PCBP3: variants seen among roughly 807,000 people sequenced by gnomAD.
PCBP3 encodes the protein poly(rC) binding protein 3.
A neutral mutation model predicts 52.7 loss-of-function variants in PCBP3; 25 were observed. That is an observed-to-expected ratio of 0.47 (90% CI 0.35 to 0.66). The LOEUF (loss-of-function observed/expected upper bound fraction) is 0.66, where lower values mean the gene tolerates loss of function less well. Ranked by LOEUF, PCBP3 falls within the 30% of genes least tolerant of loss-of-function variation. The pLI, the probability that PCBP3 is intolerant of heterozygous loss-of-function variation, is 0.01. For synonymous variants in PCBP3, 162 were observed against 183.0 expected (o/e 0.89, Z 0.93); for missense variants, 391 against 490.3 (o/e 0.80, Z 1.91).
At chr21:45,823,939 A>G (rs139185642) in intron 4 of PCBP3, among the ~76,000 whole-genome samples, 4,529 of 151,930 alleles carry the variant, frequency 0.03, 81 homozygotes, top group Non-Finnish European at 0.04. Context: ...ATGGGGTTTC[A>G]CCATGTTGTC....
intron 4 of PCBP3, among the ~76,000 whole-genome samples, chr21:45,841,857 T>G (rs2093706062): frequency 6.6e-6 from 1 of 152,248 alleles, no homozygotes; most frequent in East Asian, 1.9e-4. Context: ...TGGACACTTC[T>G]GTCTCTAGAA....
chr21:45,701,060 C>T (rs1043666913), intron 2 of PCBP3, among the ~76,000 whole-genome samples: 8 of 152,186 alleles, frequency 5.3e-5, no homozygotes, highest in African/African-American at 9.7e-5. Context: ...AGAGCAGAAT[C>T]GCCTGGAGGG....
intron 15 of PCBP3, among the ~76,000 whole-genome samples, chr21:45,933,869 C>G (rs2076583316): frequency 6.6e-6 from 1 of 152,070 alleles, no homozygotes; most frequent in African/African-American, 2.4e-5. Flanking sequence ...AACTGCCCCA[C>G]CCAGGGCCCA....
chr21:45,654,265 G>T (rs1341176879), intron 1 of PCBP3, among the ~76,000 whole-genome samples: 1 of 151,662 alleles, frequency 6.6e-6, no homozygotes, highest in Non-Finnish European at 1.5e-5. Context: ...CTTATTCTGG[G>T]ATGATTTCAT....
chr21:45,731,857 A>G (rs183208597), intron 2 of PCBP3, among the ~76,000 whole-genome samples: 36 of 147,584 alleles, frequency 2.4e-4, no homozygotes, highest in Admixed American at 2.4e-3. Context: ...CATAAGCCCC[A>G]CAATGCATTG....
intron 2 of PCBP3, among the ~76,000 whole-genome samples, chr21:45,716,278 A>G (rs558997425): frequency 1.1e-3 from 165 of 152,288 alleles, no homozygotes; most frequent in Non-Finnish European, 2.0e-3. Context: ...AAACCAGTTG[A>G]CTATAAATGT....
intron 4 of PCBP3, among the ~76,000 whole-genome samples, chr21:45,793,013 A>G (rs1269645640): frequency 7.9e-5 from 12 of 152,240 alleles, no homozygotes. Flanking sequence ...GTAGACAGGA[A>G]CAGTATCCAG....
At chr21:45,682,983 G>A (rs1203008746) in intron 2 of PCBP3, among the ~76,000 whole-genome samples, 1 of 152,100 alleles carries the variant, frequency 6.6e-6, no homozygotes. Context: ...CTAACCCTGG[G>A]TTTTCCAGTG....
At chr21:45,826,439 A>G (rs1314469587) in intron 4 of PCBP3, among the ~76,000 whole-genome samples, 3 of 152,218 alleles carry the variant, frequency 2.0e-5, no homozygotes, top group African/African-American at 4.8e-5. Context: ...GAAGCTTGAC[A>G]TGAATGAGTC....
intron 4 of PCBP3, among the ~76,000 whole-genome samples, chr21:45,789,597 G>A (rs1308176828): frequency 6.6e-6 from 1 of 152,216 alleles, no homozygotes; most frequent in African/African-American, 2.4e-5. Flanking sequence ...AGGCTTTAAG[G>A]TGGAGGACAA....
chr21:45,705,921 C>T (rs2083420398), intron 2 of PCBP3, among the ~76,000 whole-genome samples: 1 of 152,172 alleles, frequency 6.6e-6, no homozygotes, highest in African/African-American at 2.4e-5. Flanking sequence ...AGGCACAGAG[C>T]ACGTCCCTTG....
At position 45,677,308 on chromosome 21, in the gene PCBP3, C is replaced by T. The variant is rs1471175194; in HGVS notation, c.-200+8356C>T. On this transcript the variant is annotated intron_variant, in intron 2 of 17. Coordinates refer to ENST00000681687, the MANE Select transcript of PCBP3 (RefSeq NM_001384156.1). ...TCTGGATAGAAGGTGCAACTAACCA[C>T]AACATTGCTTTAAGCCAAAGTCCAC... Among the ~76,000 whole-genome samples, 4 of 152,204 alleles carry T rather than the reference C, an allele frequency of 2.6e-5. No individual in the cohort carries two copies. In the East Asian group the frequency reaches 7.7e-4, roughly 29 times the overall value.
At chr21:45,671,162 A>G (rs1240150413) in intron 2 of PCBP3, among the ~76,000 whole-genome samples, 2 of 152,156 alleles carry the variant, frequency 1.3e-5, no homozygotes, top group Admixed American at 6.5e-5. Flanking sequence ...CCCAGTTTCA[A>G]TGCTGTCCTG....
chr21:45,764,665 G>A (rs1221889803), intron 4 of PCBP3, among the ~76,000 whole-genome samples: 1 of 152,206 alleles, frequency 6.6e-6, no homozygotes, highest in East Asian at 1.9e-4. Flanking sequence ...GTGCTTAGGA[G>A]TACACCTGGG....
intron 5 of PCBP3, chr21:45,871,672 G>A (rs2095029622): frequency 6.6e-6 from 1 of 152,286 alleles, no homozygotes; most frequent in African/African-American, 2.4e-5. Flanking sequence ...CTGAAAAGAG[G>A]CCAGGGCCAC....
intron 4 of PCBP3, among the ~76,000 whole-genome samples, chr21:45,778,793 C>T (rs1436507305): frequency 6.6e-6 from 1 of 152,122 alleles, no homozygotes; most frequent in Non-Finnish European, 1.5e-5. Flanking sequence ...AGCAAGACCC[C>T]CCAGTAGTGA....
At position 45,837,694 on chromosome 21, in the gene PCBP3, T is replaced by G. The variant is rs75070580; in HGVS notation, c.-125-12267T>G. Among the ~76,000 whole-genome samples, 803 of 152,296 alleles carry G rather than the reference T, an allele frequency of 5.3e-3. 4 individuals carry two copies. The highest frequency in any genetic ancestry group is 0.018 in the African/African-American group (751 of 41,558). On this transcript the variant is annotated intron_variant, in intron 4 of 17. Coordinates refer to ENST00000681687, the MANE Select transcript of PCBP3 (RefSeq NM_001384156.1). The surrounding 1 kb of genome is among the most constrained non-coding windows in gnomAD (Gnocchi z 4.1). ...GGTCTGAGGTGCGATTCCACTCAGA[T>G]TTATTTTTCCTGTGAGGCGAGCGAG...
chr21:45,874,506 T>C (rs2095170414), intron 5 of PCBP3, among the ~76,000 whole-genome samples: 1 of 123,288 alleles, frequency 8.1e-6, no homozygotes, highest in Non-Finnish European at 1.7e-5. Context: ...TCTTCTTTTC[T>C]TTTTTTTTTT....
Position 45,941,906 on chromosome 21 carries a change from C to T in PCBP3, c.*200C>T, listed in dbSNP as rs969865308. The T allele has an allele frequency of 4.1e-5, 18 of 434,968 alleles. No homozygotes were observed. In the East Asian group the frequency reaches 5.7e-4, roughly 14 times the overall value. The allele number at this position is 434,968 out of a possible 1,614,324, so 26.9% of individuals were successfully genotyped here. On this transcript the variant is annotated 3_prime_UTR_variant, in exon 18 of 18. Coordinates refer to ENST00000681687, the MANE Select transcript of PCBP3 (RefSeq NM_001384156.1). The stretch of plus-strand genomic sequence containing the variant: ...ACAGAGGCTGCAGGCTCCGCCGAGT[C>T]CCCCCTCAGTGTTATTTTATTTATG...
Sources: gnomAD v4.1 joint callset for allele counts (sites outside exome capture counted in the v4.1 genomes callset) on GRCh38, gnomAD v4.1.1 for gene constraint, Gnocchi (gnomAD v3.1) non-coding constraint, MANE v1.5 for transcripts, NCBI Gene and HGNC (gene_info 2026-07-23, HGNC 2026-07-21) for gene names.